Variants in PTPRK observed in about 807,000 individuals in gnomAD.
PTPRK encodes the protein protein tyrosine phosphatase receptor type K, also known as receptor-type tyrosine-protein phosphatase kappa.
A neutral mutation model predicts 178.0 loss-of-function variants in PTPRK; 75 were observed. The ratio of observed to expected loss-of-function variants is 0.42; its 90% confidence interval spans 0.35 to 0.51. The LOEUF (loss-of-function observed/expected upper bound fraction) is 0.51. Among genes scored for constraint, PTPRK ranks in the 20% least tolerant of loss-of-function variants. PTPRK has a pLI of 0.02. For missense variants in PTPRK, 1,441 were observed against 1,797.8 expected (o/e 0.80, Z 3.59); for synonymous variants, 637 against 620.6 (o/e 1.03, Z -0.39).
At chr6:128,200,147 A>G (rs913695886) in intron 6 of PTPRK, among the ~76,000 whole-genome samples, 3 of 152,166 alleles carry the variant, frequency 2.0e-5, no homozygotes, top group African/African-American at 7.2e-5. Context: ...ATGAGAATAT[A>G]TTTCTTTTAT....
chr6:128,354,010 C>T (rs1016275606), intron 2 of PTPRK, among the ~76,000 whole-genome samples: 1 of 151,990 alleles, frequency 6.6e-6, no homozygotes, highest in African/African-American at 2.4e-5. Flanking sequence ...TCCCTGTATT[C>T]TTTCTTATAA....
At chr6:128,168,600 GGAGCGTAAACCCTATT>G (rs1320956566) in intron 7 of PTPRK, among the ~76,000 whole-genome samples, 1 of 151,996 alleles carries the variant, frequency 6.6e-6, no homozygotes, top group Non-Finnish European at 1.5e-5. Context: ...GATTCTCATG[GGAGCGTAAACCCTATT>G]GTGAACTGTG....
chr6:128,105,849 C>CTTA lies in PTPRK; in HGVS notation c.1163-15860_1163-15858dup, dbSNP rs548160772. 3.2e-3 allele frequency among the ~76,000 whole-genome samples: 480 copies of CTTA among 152,292 alleles called. 5 individuals are homozygous for CTTA. The highest frequency in any genetic ancestry group is 0.011 in the African/African-American group (448 of 41,576). The stretch of plus-strand genomic sequence containing the variant: ...ACCATTTACCTTGAGTTTAATGCCA[C>CTTA]TTATGTTCTATGATTCTGGAGATCA... On this transcript the variant is annotated intron_variant, in intron 7 of 29. Transcript: ENST00000368226.
At chr6:128,448,550 A>G (rs986425125) in intron 1 of PTPRK, among the ~76,000 whole-genome samples, 1 of 152,194 alleles carries the variant, frequency 6.6e-6, no homozygotes, top group Non-Finnish European at 1.5e-5. Context: ...AGCATGCCAC[A>G]TTAGGCACTA....
chr6:128,479,847 T>C (rs1421165857), intron 1 of PTPRK, among the ~76,000 whole-genome samples: 2 of 152,126 alleles, frequency 1.3e-5, no homozygotes, highest in Non-Finnish European at 2.9e-5. Context: ...AGCACTCTAT[T>C]CTTATAATCT....
chr6:128,485,883 T>C (rs1418661257), intron 1 of PTPRK, among the ~76,000 whole-genome samples: 1 of 152,238 alleles, frequency 6.6e-6, no homozygotes, highest in Admixed American at 6.5e-5. Flanking sequence ...GCGTCTTTCT[T>C]GAGTGATAAA....
intron 3 of PTPRK, among the ~76,000 whole-genome samples, chr6:128,310,723 A>T (rs1584076380): frequency 6.6e-6 from 1 of 152,316 alleles, no homozygotes; most frequent in East Asian, 1.9e-4. Context: ...ATGCTGAGTG[A>T]ATGCCATTTA....
At chr6:128,411,906 G>C (rs1186091466) in intron 1 of PTPRK, among the ~76,000 whole-genome samples, 1 of 152,130 alleles carries the variant, frequency 6.6e-6, no homozygotes, top group Non-Finnish European at 1.5e-5. Context: ...ATTTGGAAAA[G>C]TCACCTCTTT....
chr6:128,420,342 T>A (rs1048467535), intron 1 of PTPRK, among the ~76,000 whole-genome samples: 1 of 152,204 alleles, frequency 6.6e-6, no homozygotes, highest in African/African-American at 2.4e-5. Flanking sequence ...GTAAACTGAA[T>A]TATTTGCACA....
intron 2 of PTPRK, among the ~76,000 whole-genome samples, chr6:128,380,319 G>T (rs569101172): frequency 6.6e-6 from 1 of 152,036 alleles, no homozygotes; most frequent in African/African-American, 2.4e-5. Context: ...GTAGAAAAAA[G>T]TATCAACTTT....
Position 128,520,336 on chromosome 6 carries a change from G to A in PTPRK, c.23C>T (p.Ala8Val), listed in dbSNP as rs914892596. 3.7e-6 allele frequency: 6 copies of A among 1,607,970 alleles called. No individual in the cohort carries two copies. The African/African-American group carries it at 6.7e-5, about 18-fold the overall frequency. Residue 8 changes from alanine (A) to valine (V), a missense_variant, in exon 1 of 30, where the codon GCG becomes GTG. This residue lies in a region of PTPRK where 158 missense variants were observed against 188.0 expected (regional missense o/e 0.84). Transcript: ENST00000368226. ...CAAGAGCGCCACAAAAGCAGGCAGC[G>A]CCGCCGCCGCAGTCGTATCCATGCC... Reference protein sequence around the residue: MDTTAAAALPAFVALLLL... With the variant: MDTTAAAVLPAFVALLLL...
chr6:128,248,753 A>T (rs1815934630), intron 3 of PTPRK, among the ~76,000 whole-genome samples: 1 of 152,218 alleles, frequency 6.6e-6, no homozygotes, highest in Non-Finnish European at 1.5e-5. Context: ...AATGCTTTAT[A>T]GGAAGTTTGT....
intron 1 of PTPRK, among the ~76,000 whole-genome samples, chr6:128,403,095 C>T (rs755166720): frequency 6.6e-6 from 1 of 152,166 alleles, no homozygotes; most frequent in East Asian, 1.9e-4. Flanking sequence ...TCACTTCAAA[C>T]ACAATTGTTA....
intron 2 of PTPRK, among the ~76,000 whole-genome samples, chr6:128,369,777 T>C (rs1173347492): frequency 1.3e-5 from 2 of 152,160 alleles, no homozygotes; most frequent in Non-Finnish European, 1.5e-5. Flanking sequence ...GATGCCATGT[T>C]TCTGAAGAAT....
At chr6:128,201,590 G>A (rs747047115) in intron 6 of PTPRK, among the ~76,000 whole-genome samples, 5 of 152,134 alleles carry the variant, frequency 3.3e-5, no homozygotes, top group African/African-American at 4.8e-5. Flanking sequence ...CAGGCGTGAC[G>A]GCTCATGCGT....
chr6:127,999,576 A>G (rs570326900), intron 15 of PTPRK, among the ~76,000 whole-genome samples: 1 of 152,166 alleles, frequency 6.6e-6, no homozygotes, highest in African/African-American at 2.4e-5. Context: ...CTGCGAGAGA[A>G]ATCAGGGCGC....
chr6:128,040,999 C>T (rs9482862), intron 13 of PTPRK, among the ~76,000 whole-genome samples: 33,222 of 151,924 alleles, frequency 0.22, 4,715 homozygotes, highest in African/African-American at 0.4. Context: ...TCTCTGCCTG[C>T]AAACTAAAAA....
intron 1 of PTPRK, among the ~76,000 whole-genome samples, chr6:128,406,838 A>C (rs1841712367): frequency 6.6e-6 from 1 of 152,226 alleles, no homozygotes; most frequent in African/African-American, 2.4e-5. Flanking sequence ...CATTTAGTGG[A>C]ATCACCACAT....
chr6:128,089,827 A>C lies in PTPRK; in HGVS notation c.1328T>G (p.Leu443Trp). The C allele has an allele frequency of 6.2e-7, 1 of 1,614,140 alleles. No individual in the cohort carries two copies. Among genetic ancestry groups the C allele is most frequent in the South Asian group, 1.1e-5 (1 of 91,084 alleles). ...CTGAGGGGCTTTGGGGTCCATGTCC[A>C]AACAGTCTGCCTTGCTCTCGTTGTG... ...RGHNESKADC[L>W]DMDPKAPQHV... The change falls in exon 8 of 30, where the codon TTG becomes TGG. Residue 443 changes from leucine to tryptophan, a missense_variant. This residue lies in a region of PTPRK where 945 missense variants were observed against 1,080.6 expected (regional missense o/e 0.87). Transcript: ENST00000368226.
Sources: allele counts gnomAD v4.1 joint callset (sites outside exome capture counted in the v4.1 genomes callset), GRCh38; gene constraint gnomAD v4.1.1; regional missense constraint gnomAD v4.1.1; transcripts MANE v1.5; gene names NCBI Gene and HGNC (gene_info 2026-07-23, HGNC 2026-07-21).